LRFN5: variants seen among roughly 807,000 people sequenced by gnomAD.
LRFN5 encodes leucine rich repeat and fibronectin type III domain containing 5.
A neutral mutation model predicts 45.6 loss-of-function variants in LRFN5; 24 were observed. The ratio of observed to expected loss-of-function variants is 0.53; its 90% CI spans 0.38 to 0.74. LRFN5 has a LOEUF of 0.74. Ranked by LOEUF, LRFN5 falls within the 30% of genes least tolerant of loss-of-function variation. The probability of loss-of-function intolerance (pLI) is 0.00; values close to 1 mark genes in which losing one functional copy is unlikely to be tolerated. For synonymous variants in LRFN5, 340 were observed against 313.8 expected, an observed-to-expected ratio of 1.08 and a Z score of -0.88; for missense variants, 776 against 861.5, an observed-to-expected ratio of 0.90 and a Z score of 1.24.
intron 1 of LRFN5, among the ~76,000 whole-genome samples, chr14:41,614,839 T>G (rs1388923825): frequency 6.6e-6 from 1 of 152,056 alleles, no homozygotes; most frequent in Non-Finnish European, 1.5e-5. Context: ...ATTATCACCA[T>G]CACCATGATC....
intron 1 of LRFN5, chr14:41,731,846 T>C (rs554583351): frequency 6.6e-6 from 1 of 152,334 alleles, no homozygotes; most frequent in South Asian, 2.1e-4. Context: ...AAATTGGTGG[T>C]GCAGATGCCT....
intron 1 of LRFN5, among the ~76,000 whole-genome samples, chr14:41,667,409 A>G (rs1188080498): frequency 2.6e-5 from 4 of 152,196 alleles, no homozygotes; most frequent in African/African-American, 9.7e-5. Flanking sequence ...CAGCAGCCAT[A>G]GCCATGTTTG....
rs533177004 is a variant in LRFN5 at position 41,793,817 on chromosome 14, A to G, written c.-21+26788A>G. The stretch of plus-strand genomic sequence containing the variant: ...AACTACTTTCTAGCCAGAGATTTTC[A>G]CTAAGTTCCTATCCTGGATGTTCAG... On this transcript the variant is annotated intron_variant, in intron 2 of 5. Transcript: ENST00000298119. Among the ~76,000 whole-genome samples the G allele has an allele frequency of 2.0e-5, 3 of 152,236 alleles. No individual in the cohort carries two copies. The South Asian group carries it at 6.2e-4, about 32-fold the overall frequency.
rs112032377 is a variant in LRFN5 at position 41,862,888 on chromosome 14, G to T, written c.-20-23718G>T. Among the ~76,000 whole-genome samples the T allele has an allele frequency of 8.9e-3, 1,126 of 127,130 alleles. 20 individuals are homozygous for T. The highest frequency in any genetic ancestry group is 0.031 in the African/African-American group (1,028 of 32,972). 83.4% of individuals were successfully genotyped at this position (127,130 alleles called of 152,430 possible). ...TTTTTTTTTTTTTTTTTTTTGATAC[G>T]GAGTCTTGCTCTGTGGTCAAGGCTG... is the stretch of plus-strand genomic sequence containing the variant. On this transcript the variant is annotated intron_variant, in intron 2 of 5. Transcript: ENST00000298119.
chr14:41,836,731 T>G (rs1357979438), intron 2 of LRFN5, among the ~76,000 whole-genome samples: 1 of 152,128 alleles, frequency 6.6e-6, no homozygotes, highest in Non-Finnish European at 1.5e-5. Context: ...TTTTCTTCAG[T>G]ATGAGTGTAT....
intron 3 of LRFN5, 68 bp downstream of exon 3, chr14:41,888,078 T>C (rs1221885170): frequency 9.6e-6 from 12 of 1,251,062 alleles, no homozygotes; most frequent in Non-Finnish European, 1.3e-5. Flanking sequence ...AATGTACTAC[T>C]GATTTTTTTT....
intron 2 of LRFN5, among the ~76,000 whole-genome samples, chr14:41,835,686 A>T (rs773435787): frequency 2.3e-4 from 35 of 152,266 alleles, no homozygotes; most frequent in Non-Finnish European, 4.0e-4. Context: ...CGGTCACGCT[A>T]CTGCACTCCA....
At chr14:41,689,963 A>G (rs939316607) in intron 1 of LRFN5, among the ~76,000 whole-genome samples, 3 of 151,908 alleles carry the variant, frequency 2.0e-5, no homozygotes, top group African/African-American at 7.2e-5. Context: ...ACACTTTTGA[A>G]CTATGAAAAA....
intron 2 of LRFN5, among the ~76,000 whole-genome samples, chr14:41,870,902 TA>T (rs755891131): frequency 5.3e-5 from 8 of 152,260 alleles, no homozygotes; most frequent in Non-Finnish European, 1.0e-4. Context: ...TTATTATTTT[TA>T]ACTCTCAAAA....
chr14:41,825,932 G>A (rs1175871404), intron 2 of LRFN5, among the ~76,000 whole-genome samples: 1 of 152,184 alleles, frequency 6.6e-6, no homozygotes, highest in East Asian at 1.9e-4. Flanking sequence ...CTTTTCCATA[G>A]GACTTCAAGT....
intron 1 of LRFN5, among the ~76,000 whole-genome samples, chr14:41,650,896 A>AGAGAGG (rs750337266): frequency 0.016 from 1,268 of 80,834 alleles, 43 homozygotes; most frequent in African/African-American, 0.061. Context: ...AGAGAGAGAG[A>AGAGAGG]GAGGGAGGGA....
At chr14:41,756,645 G>T (rs899115467) in intron 1 of LRFN5, among the ~76,000 whole-genome samples, 1 of 152,074 alleles carries the variant, frequency 6.6e-6, no homozygotes, top group Non-Finnish European at 1.5e-5. Flanking sequence ...GGTTATTCTA[G>T]TTAGCCATTC....
chr14:41,796,841 C>T (rs527753880), intron 2 of LRFN5, among the ~76,000 whole-genome samples: 1 of 151,624 alleles, frequency 6.6e-6, no homozygotes, highest in Non-Finnish European at 1.5e-5. Flanking sequence ...AACTAGCTGT[C>T]GAAGATAATA....
chr14:41,806,843 C>A (rs1173936464), intron 2 of LRFN5, among the ~76,000 whole-genome samples: 1 of 152,148 alleles, frequency 6.6e-6, no homozygotes, highest in Non-Finnish European at 1.5e-5. Flanking sequence ...TTACTGCTGG[C>A]CTGGACAGCT....
chr14:41,608,800 CCTGAGGATATTTTTTGAGAG>C (rs1887609502), intron 1 of LRFN5, among the ~76,000 whole-genome samples: 1 of 151,980 alleles, frequency 6.6e-6, no homozygotes, highest in Non-Finnish European at 1.5e-5. Context: ...TGTGCTCCAC[CCTGAGGATATTTTTTGAGAG>C]CTAGGCGTGT....
intron 1 of LRFN5, among the ~76,000 whole-genome samples, chr14:41,704,315 A>G (rs1882957961): frequency 6.6e-6 from 1 of 151,732 alleles, no homozygotes; most frequent in Admixed American, 6.6e-5. Context: ...GCATTGTCTC[A>G]TCATCTCATT....
intron 2 of LRFN5, among the ~76,000 whole-genome samples, chr14:41,802,166 A>G (rs895121719): frequency 6.6e-6 from 1 of 152,216 alleles, no homozygotes; most frequent in African/African-American, 2.4e-5. Flanking sequence ...AAGTTAAAGC[A>G]GTAAATATGG....
chr14:41,795,861 C>T (rs1310847437), intron 2 of LRFN5, among the ~76,000 whole-genome samples: 1 of 151,778 alleles, frequency 6.6e-6, no homozygotes, highest in Non-Finnish European at 1.5e-5. Flanking sequence ...ACCAACATGG[C>T]ACATGTATAT....
At chr14:41,897,321 A>T (rs929651508) in intron 4 of LRFN5, among the ~76,000 whole-genome samples, 66 of 151,992 alleles carry the variant, frequency 4.3e-4, no homozygotes, top group Non-Finnish European at 6.3e-4. Context: ...GAATATAACA[A>T]AATAATCACT....
Sources: gnomAD v4.1 joint callset for allele counts (sites outside exome capture counted in the v4.1 genomes callset) on GRCh38, gnomAD v4.1.1 for gene constraint, MANE v1.5 for transcripts, NCBI Gene and HGNC (gene_info 2026-07-23, HGNC 2026-07-21) for gene names.